The following UBASH3B variants were observed in gnomAD, a reference collection of about 807,000 sequenced individuals.
UBASH3B encodes ubiquitin associated and SH3 domain containing B, also known as ubiquitin-associated and SH3 domain-containing protein B.
UBASH3B carries 37 observed loss-of-function variants against 83.4 expected under a neutral mutation model. The observed-to-expected ratio is 0.44, with a 90% confidence interval of 0.34 to 0.58. The LOEUF is 0.58. Ranked by LOEUF, UBASH3B falls within the 20% of genes least tolerant of loss-of-function variation. UBASH3B has a pLI of 0.01. For synonymous variants in UBASH3B, 304 were observed against 318.3 expected, an observed-to-expected ratio of 0.96 and a Z score of 0.48; for missense variants, 657 against 827.2, an observed-to-expected ratio of 0.79 and a Z score of 2.52.
At chr11:122,724,114 A>G (rs1373699301) in intron 1 of UBASH3B, among the ~76,000 whole-genome samples, 1 of 152,234 alleles carries the variant, frequency 6.6e-6, no homozygotes, top group Non-Finnish European at 1.5e-5. Flanking sequence ...TATTTCGTTC[A>G]TTCATCTATT....
chr11:122,690,202 A>ATCAAAT (rs1225010315), intron 1 of UBASH3B, among the ~76,000 whole-genome samples: 1 of 40,640 alleles, frequency 2.5e-5, no homozygotes, highest in Non-Finnish European at 4.8e-5. Context: ...ATATATATAT[A>ATCAAAT]TATATATCCA....
chr11:122,754,899 C>A (rs1447099734), intron 1 of UBASH3B, among the ~76,000 whole-genome samples: 2 of 152,138 alleles, frequency 1.3e-5, no homozygotes, highest in Non-Finnish European at 2.9e-5. Context: ...CAGGACTAGA[C>A]CCCTGACTCT....
chr11:122,796,392 T>C (rs1002201597), intron 8 of UBASH3B, 116 bp downstream of exon 8: 22 of 1,458,276 alleles, frequency 1.5e-5, no homozygotes, highest in Non-Finnish European at 1.8e-5. Context: ...CTATAGAAGA[T>C]GTCTGTCATG....
chr11:122,699,957 G>A (rs138165995), intron 1 of UBASH3B, among the ~76,000 whole-genome samples: 31 of 152,232 alleles, frequency 2.0e-4, no homozygotes, highest in African/African-American at 6.7e-4. Flanking sequence ...TTTGGAAATC[G>A]ATCAAGGAAT....
At chr11:122,803,257 G>A (rs138731750) in intron 11 of UBASH3B, among the ~76,000 whole-genome samples, 8 of 152,306 alleles carry the variant, frequency 5.3e-5, no homozygotes, top group African/African-American at 9.6e-5. Flanking sequence ...GGACAGCCCC[G>A]GAGTTTAATT....
chr11:122,707,684 T>C (rs1384642265), intron 1 of UBASH3B, among the ~76,000 whole-genome samples: 2 of 152,078 alleles, frequency 1.3e-5, no homozygotes, highest in South Asian at 4.1e-4. Context: ...TAATCTAATA[T>C]ATAATTTTTA....
chr11:122,711,676 T>C (rs1934082805), intron 1 of UBASH3B, among the ~76,000 whole-genome samples: 1 of 152,204 alleles, frequency 6.6e-6, no homozygotes, highest in Admixed American at 6.5e-5. Flanking sequence ...GGAAAAAGAA[T>C]CAAGGTTTTC....
chr11:122,806,625 T>C lies in UBASH3B; in HGVS notation c.1702+109T>C. The C allele has an allele frequency of 7.5e-7, 1 of 1,339,932 alleles. No homozygotes were observed. The highest frequency in any genetic ancestry group is 1.5e-5 in the African/African-American group (1 of 64,988). The allele number at this position is 1,339,932 out of a possible 1,614,324, so 83.0% of individuals were successfully genotyped here. On this transcript the variant is annotated intron_variant, in intron 12 of 13. Coordinates refer to ENST00000284273, the MANE Select transcript of UBASH3B (RefSeq NM_032873.5). This position sits in a 1 kb window ranked among gnomAD's most constrained non-coding sequence, Gnocchi z 4.0. ...CTTGCTTTGGCTAACCAAAGAAATG[T>C]ATTTCCAGATTTTCTTCCAGATACT...
rs192525753 is a variant in UBASH3B at position 122,658,130 on chromosome 11, C to T, written c.161+1920C>T. ...GGTGGAGGTTGTAGTGAGCCAAGAT[C>T]GCACCACTGCACTCTAGCCTGGGTT... On this transcript the variant is annotated intron_variant, in intron 1 of 13. Transcript: ENST00000284273. Among the ~76,000 whole-genome samples, 265 of 148,242 alleles carry T rather than the reference C, an allele frequency of 1.8e-3. 2 individuals carry two copies. Among genetic ancestry groups the T allele is most frequent in the African/African-American group, 5.9e-3 (236 of 40,040 alleles).
At chr11:122,741,429 C>T (rs1158183020) in intron 1 of UBASH3B, among the ~76,000 whole-genome samples, 8 of 152,182 alleles carry the variant, frequency 5.3e-5, no homozygotes, top group African/African-American at 1.9e-4. Flanking sequence ...CATTCGGGTT[C>T]GTGTTAGAAC....
chr11:122,811,743 T>C lies in UBASH3B; in HGVS notation c.*1857T>C, dbSNP rs1861451927. The C allele has an allele frequency of 6.6e-6, 1 of 152,198 alleles. No homozygotes were observed. The highest frequency in any genetic ancestry group is 2.4e-5 in the African/African-American group (1 of 41,468). 9.4% of individuals were successfully genotyped at this position (152,198 alleles called of 1,614,324 possible). A position where few individuals can be genotyped will look rare whatever the true frequency, so the allele number is the denominator to read the frequency against. On this transcript the variant is annotated 3_prime_UTR_variant, in exon 14 of 14. Coordinates refer to ENST00000284273, the MANE Select transcript of UBASH3B (RefSeq NM_032873.5). Reference sequence around the variant, plus strand: ...CAAACACTGACCCAGCTTCTGGGTATGGAAATAACCCTGTGATGATGTGTT... The same window carrying C: ...CAAACACTGACCCAGCTTCTGGGTACGGAAATAACCCTGTGATGATGTGTT...
intron 1 of UBASH3B, among the ~76,000 whole-genome samples, chr11:122,656,425 G>A (rs1158294808): frequency 6.6e-6 from 1 of 152,100 alleles, no homozygotes; most frequent in African/African-American, 2.4e-5. Context: ...TTGGGCCAGG[G>A]CTCGCCGTGG....
chr11:122,667,338 G>A (rs957936928), intron 1 of UBASH3B, among the ~76,000 whole-genome samples: 1 of 152,078 alleles, frequency 6.6e-6, no homozygotes. Flanking sequence ...GAGCCGCCGC[G>A]CCCAGTCCAT....
At chr11:122,657,607 C>A (rs879703342) in intron 1 of UBASH3B, among the ~76,000 whole-genome samples, 1 of 152,110 alleles carries the variant, frequency 6.6e-6, no homozygotes, top group Non-Finnish European at 1.5e-5. Context: ...TCTGGGCAAA[C>A]CTTGTTTATT....
At chr11:122,681,348 C>A (rs940847953) in intron 1 of UBASH3B, among the ~76,000 whole-genome samples, 1 of 152,144 alleles carries the variant, frequency 6.6e-6, no homozygotes, top group African/African-American at 2.4e-5. Context: ...CTTGTTCTAG[C>A]CAGATTCCTC....
intron 1 of UBASH3B, among the ~76,000 whole-genome samples, chr11:122,710,091 G>A (rs1055232144): frequency 1.3e-5 from 2 of 151,204 alleles, no homozygotes; most frequent in African/African-American, 2.4e-5. Flanking sequence ...AGGAGGCAGA[G>A]GCTGCAGTGA....
rs1441485469 is a variant in UBASH3B, at chr11:122,761,510, AC to A, written c.162-14707del. Among the ~76,000 whole-genome samples the A allele has an allele frequency of 4.6e-5, 7 of 152,270 alleles. No individual in the cohort carries two copies. In the East Asian group the frequency reaches 1.4e-3, roughly 29 times the overall value. Reference sequence around the variant, plus strand: ...AATAAGTGTTGCTAACAAATTACTTACCAAGAAGAGTTACAGAAGAGTGACA... The same window carrying A: ...AATAAGTGTTGCTAACAAATTACTTACAAGAAGAGTTACAGAAGAGTGACA... On this transcript the variant is annotated intron_variant, in intron 1 of 13. Transcript: ENST00000284273.
intron 1 of UBASH3B, among the ~76,000 whole-genome samples, chr11:122,695,935 G>C (rs1342946014): frequency 1.3e-5 from 2 of 152,062 alleles, no homozygotes; most frequent in Admixed American, 1.3e-4. Flanking sequence ...TAACCAAATA[G>C]TTTTTTTATT....
At chr11:122,779,386 A>T (rs1860806358) in intron 3 of UBASH3B, 111 bp from the exon 4 acceptor site, 1 of 1,177,334 alleles carries the variant, frequency 8.5e-7, no homozygotes, top group Admixed American at 1.8e-5. Flanking sequence ...TGGTTAAGTA[A>T]TTGCATTATC....
Sources: gnomAD v4.1 joint callset for allele counts (sites outside exome capture counted in the v4.1 genomes callset) on GRCh38, gnomAD v4.1.1 for gene constraint, Gnocchi (gnomAD v3.1) non-coding constraint, MANE v1.5 for transcripts, NCBI Gene and HGNC (gene_info 2026-07-23, HGNC 2026-07-21) for gene names.